GRIN2B: variants seen among roughly 807,000 people sequenced by gnomAD.
GRIN2B encodes glutamate ionotropic receptor NMDA type subunit 2B, also known as glutamate receptor ionotropic, NMDA 2B.
In GRIN2B, 5 loss-of-function variants were observed where a neutral mutation model predicts 114.5. That is an observed-to-expected ratio of 0.04 (90% CI 0.02 to 0.09). The LOEUF (loss-of-function observed/expected upper bound fraction) is 0.09. GRIN2B is among the 10% of genes least tolerant of loss of function. The pLI is 1.00. For synonymous variants in GRIN2B, 787 were observed against 745.1 expected (o/e 1.06, Z -0.92); for missense variants, 1,108 against 1,943.5 (o/e 0.57, Z 8.08).
intron 2 of GRIN2B, among the ~76,000 whole-genome samples, chr12:13,949,113 G>C (rs970180859): frequency 6.6e-6 from 1 of 152,108 alleles, no homozygotes; most frequent in African/African-American, 2.4e-5. Flanking sequence ...AGGGACCATT[G>C]CTTCAACCCT....
intron 3 of GRIN2B, among the ~76,000 whole-genome samples, chr12:13,759,460 C>A (rs1381329991): frequency 6.6e-6 from 1 of 152,204 alleles, no homozygotes; most frequent in African/African-American, 2.4e-5. Flanking sequence ...CACTTATTTA[C>A]ATCCCTTTGT....
At chr12:13,930,698 C>T (rs548855886) in intron 2 of GRIN2B, among the ~76,000 whole-genome samples, 1 of 152,256 alleles carries the variant, frequency 6.6e-6, no homozygotes, top group East Asian at 1.9e-4. Flanking sequence ...GAGGGAGCTG[C>T]TTATAAAAGG....
intron 3 of GRIN2B, among the ~76,000 whole-genome samples, chr12:13,758,834 G>A (rs539890149): frequency 3.9e-4 from 60 of 152,094 alleles, no homozygotes; most frequent in South Asian, 1.0e-3. Flanking sequence ...TGCCTTATCT[G>A]ACTAAAAATG....
intron 3 of GRIN2B, among the ~76,000 whole-genome samples, chr12:13,800,573 C>A (rs1424229170): frequency 2.0e-5 from 3 of 152,170 alleles, no homozygotes; most frequent in Non-Finnish European, 4.4e-5. Context: ...TAAACTGTCA[C>A]CCCTTGGGGC....
At chr12:13,670,263 A>G (rs1159384561) in intron 5 of GRIN2B, 1 of 152,148 alleles carries the variant, frequency 6.6e-6, no homozygotes, top group Non-Finnish European at 1.5e-5. Flanking sequence ...AATGTTTTTA[A>G]TCTACATAAG....
intron 3 of GRIN2B, among the ~76,000 whole-genome samples, chr12:13,800,644 T>C (rs1193796168): frequency 6.6e-6 from 1 of 152,202 alleles, no homozygotes; most frequent in Non-Finnish European, 1.5e-5. Context: ...CAAATGAACA[T>C]GGCATCCTTG....
chr12:13,668,679 A>G (rs1057139866), intron 5 of GRIN2B, among the ~76,000 whole-genome samples: 3 of 152,118 alleles, frequency 2.0e-5, no homozygotes, highest in African/African-American at 4.8e-5. Flanking sequence ...ACATTAATGG[A>G]GTCTTTACTA....
intron 5 of GRIN2B, among the ~76,000 whole-genome samples, chr12:13,655,700 A>G (rs1352562841): frequency 2.0e-5 from 3 of 152,172 alleles, no homozygotes; most frequent in Non-Finnish European, 4.4e-5. Context: ...CATATTAAAT[A>G]TTGACTCCAT....
chr12:13,918,654 AT>A (rs967317343), intron 2 of GRIN2B, among the ~76,000 whole-genome samples: 4 of 152,202 alleles, frequency 2.6e-5, no homozygotes, highest in African/African-American at 9.6e-5. Flanking sequence ...GCAATTAGAC[AT>A]TGGTTAGGAG....
chr12:13,712,122 A>G (rs909387576), intron 4 of GRIN2B, among the ~76,000 whole-genome samples: 3 of 151,756 alleles, frequency 2.0e-5, no homozygotes, highest in African/African-American at 7.3e-5. Flanking sequence ...GCAAACTATC[A>G]CAAGGACGGA....
At chr12:13,762,060 G>T (rs756151385) in intron 3 of GRIN2B, among the ~76,000 whole-genome samples, 26 of 152,172 alleles carry the variant, frequency 1.7e-4, no homozygotes, top group Non-Finnish European at 2.8e-4. Flanking sequence ...CTGGAGTGCA[G>T]TGGTGCAATC....
At chr12:13,964,384 G>A (rs940888172) in intron 2 of GRIN2B, among the ~76,000 whole-genome samples, 28 of 152,290 alleles carry the variant, frequency 1.8e-4, no homozygotes, top group Middle Eastern at 6.8e-3. Flanking sequence ...CAGCAAAGAG[G>A]CCCTGCCCTT....
intron 2 of GRIN2B, among the ~76,000 whole-genome samples, chr12:13,945,131 C>T (rs960993732): frequency 2.0e-5 from 3 of 152,108 alleles, no homozygotes; most frequent in Admixed American, 6.6e-5. Context: ...TAAATAGGGG[C>T]TAAAAGTTCA....
chr12:13,744,864 G>A (rs536581627), intron 4 of GRIN2B, among the ~76,000 whole-genome samples: 86 of 152,248 alleles, frequency 5.6e-4, no homozygotes, highest in Non-Finnish European at 9.3e-4. Context: ...GCCGAGGGAA[G>A]GTTCTCTTGC....
chr12:13,870,038 A>G (rs1865882522), intron 2 of GRIN2B, among the ~76,000 whole-genome samples: 1 of 152,210 alleles, frequency 6.6e-6, no homozygotes, highest in Non-Finnish European at 1.5e-5. Flanking sequence ...GCTATTTATG[A>G]TAGCACAAAG....
chr12:13,905,505 C>A (rs565795284), intron 2 of GRIN2B, among the ~76,000 whole-genome samples: 2 of 152,158 alleles, frequency 1.3e-5, no homozygotes, highest in Non-Finnish European at 2.9e-5. Flanking sequence ...ATACTATATG[C>A]CAATAATTCC....
chr12:13,831,577 C>A (rs989622841), intron 3 of GRIN2B, among the ~76,000 whole-genome samples: 1 of 152,038 alleles, frequency 6.6e-6, no homozygotes, highest in African/African-American at 2.4e-5. Flanking sequence ...TTGAAAGGGA[C>A]TGAAATTGAG....
chr12:13,574,788 T>A (rs1948753498), intron 10 of GRIN2B, among the ~76,000 whole-genome samples: 1 of 152,114 alleles, frequency 6.6e-6, no homozygotes, highest in Admixed American at 6.5e-5. Context: ...AAGATAACTT[T>A]GAAAAAGGAA....
intron 3 of GRIN2B, among the ~76,000 whole-genome samples, chr12:13,782,715 A>G (rs187072383): frequency 2.0e-5 from 3 of 152,340 alleles, no homozygotes; most frequent in Admixed American, 1.3e-4. Flanking sequence ...TCTTTCACTC[A>G]GGCGAATCAA....
Sources: gnomAD v4.1 joint callset for allele counts (sites outside exome capture counted in the v4.1 genomes callset) on GRCh38, gnomAD v4.1.1 for gene constraint, MANE v1.5 for transcripts, NCBI Gene and HGNC (gene_info 2026-07-23, HGNC 2026-07-21) for gene names.